Variants in GOLGA4 observed in about 807,000 individuals in gnomAD.
GOLGA4 encodes golgin A4.
GOLGA4 carries 169 observed loss-of-function variants against 265.9 expected under a neutral mutation model. The ratio of observed to expected loss-of-function variants is 0.64; its 90% CI spans 0.56 to 0.72. The LOEUF (loss-of-function observed/expected upper bound fraction) is 0.72. Ranked by LOEUF, GOLGA4 falls within the 30% of genes least tolerant of loss-of-function variation. GOLGA4 has a pLI of 0.00. For missense variants in GOLGA4, 2,482 were observed against 2,483.4 expected (o/e 1.00, Z 0.01); for synonymous variants, 923 against 855.8 (o/e 1.08, Z -1.37).
chr3:37,351,801 C>T (rs2097075374), intron 21 of GOLGA4, among the ~76,000 whole-genome samples: 1 of 152,054 alleles, frequency 6.6e-6, no homozygotes, highest in Non-Finnish European at 1.5e-5. Context: ...AACAGGTGTG[C>T]TATCATCCAG....
In GOLGA4 at chr3:37,339,580, A is replaced by G. The variant is rs1248982845; in HGVS notation, c.6397-544A>G. On this transcript the variant is annotated intron_variant, in intron 19 of 23. Transcript: ENST00000361924. ...CAAGTTTTTTGATTATTGCCATCCT[A>G]GTCAATATGAAGTGATACCTCGTTG... Among the ~76,000 whole-genome samples, 5 of 152,220 alleles carry G rather than the reference A, an allele frequency of 3.3e-5. No individual in the cohort carries two copies. In the East Asian group the frequency reaches 7.7e-4, roughly 23 times the overall value.
At chr3:37,268,905 A>G (rs1000559256) in intron 2 of GOLGA4, among the ~76,000 whole-genome samples, 1 of 152,334 alleles carries the variant, frequency 6.6e-6, no homozygotes, top group East Asian at 1.9e-4. Flanking sequence ...GGAACAAGGG[A>G]AACCATAGCA....
intron 10 of GOLGA4, among the ~76,000 whole-genome samples, chr3:37,309,588 CA>C (rs927651807): frequency 6.6e-6 from 1 of 151,898 alleles, no homozygotes; most frequent in Non-Finnish European, 1.5e-5. Flanking sequence ...AAAAAACAAA[CA>C]AAAAAAACCA....
intron 2 of GOLGA4, among the ~76,000 whole-genome samples, chr3:37,279,154 T>C (rs981001446): frequency 6.6e-6 from 1 of 151,946 alleles, no homozygotes; most frequent in African/African-American, 2.4e-5. Flanking sequence ...CATCCTAGAG[T>C]TCTTAAAACA....
In GOLGA4 at chr3:37,366,135, A is replaced by T; in HGVS notation, c.*89A>T. 1.3e-6 allele frequency: 2 copies of T among 1,502,686 alleles called. No homozygotes were observed. The highest frequency in any genetic ancestry group is 1.8e-6 in the Non-Finnish European group (2 of 1,122,564). 93.1% of individuals were successfully genotyped at this position (1,502,686 alleles called of 1,614,324 possible). ...GTGACATTGGGTGACTGCTGCTTGG[A>T]AAACTGTCCACACTTGCTACTCTTT... On this transcript the variant is annotated 3_prime_UTR_variant, in exon 24 of 24. Coordinates refer to ENST00000361924, the MANE Select transcript of GOLGA4 (RefSeq NM_002078.5).
intron 1 of GOLGA4, 72 bp downstream of exon 1, chr3:37,243,694 G>T: frequency 7.1e-6 from 9 of 1,267,424 alleles, no homozygotes; most frequent in South Asian, 1.2e-5. Flanking sequence ...AAAGAGGCGG[G>T]GGGAGTGGGG....
At chr3:37,330,193 C>G (rs2096985505) in intron 16 of GOLGA4, among the ~76,000 whole-genome samples, 1 of 150,448 alleles carries the variant, frequency 6.6e-6, no homozygotes, top group South Asian at 2.1e-4. Context: ...TAGTTTAGTT[C>G]TACTTTTTTT....
At chr3:37,315,964 G>A (rs1369908246) in intron 11 of GOLGA4, among the ~76,000 whole-genome samples, 1 of 152,122 alleles carries the variant, frequency 6.6e-6, no homozygotes, top group African/African-American at 2.4e-5. Context: ...GAATGAGGGA[G>A]TAAGTGACTG....
At chr3:37,278,715 AT>A (rs1473169448) in intron 2 of GOLGA4, among the ~76,000 whole-genome samples, 10 of 151,970 alleles carry the variant, frequency 6.6e-5, no homozygotes. Context: ...TAAAAATGGT[AT>A]TTATTGTGTA....
chr3:37,251,476 A>G lies in GOLGA4; in HGVS notation c.154A>G (p.Asn52Asp). 1 of 1,590,772 alleles carries G rather than the reference A, an allele frequency of 6.3e-7. No homozygotes were observed. Among genetic ancestry groups the G allele is most frequent in the Non-Finnish European group, 8.6e-7 (1 of 1,158,722 alleles). Reference sequence around the variant, plus strand: ...AGAGCAACTTGATGAAGGTACACCCAATAGAGAGGTAAGTTTGGAATTCCT... The same window carrying G: ...AGAGCAACTTGATGAAGGTACACCCGATAGAGAGGTAAGTTTGGAATTCCT... ...FTEQLDEGTP[N>D]RESGDTQSFA... Residue 52 changes from asparagine to aspartate, a missense_variant, in exon 2 of 24, where the codon AAT (asparagine) becomes GAT (aspartate). Around this residue, in one of 3 missense-constraint regions of GOLGA4, gnomAD observed 1,536 missense variants for 1,483.7 expected, o/e 1.04. Coordinates refer to ENST00000361924, the MANE Select transcript of GOLGA4 (RefSeq NM_002078.5).
chr3:37,266,415 A>G (rs1294072806), intron 2 of GOLGA4, among the ~76,000 whole-genome samples: 1 of 152,070 alleles, frequency 6.6e-6, no homozygotes, highest in African/African-American at 2.4e-5. Flanking sequence ...GGTCAGGCTG[A>G]TCTTGAATTC....
chr3:37,348,403 CT>C (rs540088481), intron 21 of GOLGA4, among the ~76,000 whole-genome samples: 2 of 151,172 alleles, frequency 1.3e-5, no homozygotes, highest in East Asian at 1.9e-4. Context: ...AATTCAGTGT[CT>C]TTTTTTTTCC....
rs1282381995 is a variant in GOLGA4 at position 37,347,198 on chromosome 3, A to G, written c.6478A>G (p.Asn2160Asp). 1 of 1,605,414 alleles carries G rather than the reference A, an allele frequency of 6.2e-7. No homozygotes were observed. The highest frequency in any genetic ancestry group is 8.5e-7 in the Non-Finnish European group (1 of 1,172,936). The stretch of plus-strand genomic sequence containing the variant: ...TCTATTTTTTTATTTGGCAGGTGGC[A>G]ATTTGTACCATACGGATGTCTCACT... Reference protein sequence around the residue: ...TTVGTPYKGGNLYHTDVSLFG... With the variant: ...TTVGTPYKGGDLYHTDVSLFG... Residue 2160 changes from asparagine to aspartate, a missense_variant, in exon 21 of 24, where the codon AAT (asparagine) becomes GAT (aspartate). Asn to Asp is a conservative substitution (Grantham distance 23, BLOSUM62 1). Around this residue, in one of 3 missense-constraint regions of GOLGA4, gnomAD observed 942 missense variants for 983.1 expected, o/e 0.96. Transcript: ENST00000361924.
rs756259334 is a variant in GOLGA4, at chr3:37,337,179, C to CTTTTTTTTTTTTTTTTTTTT, written c.6327+29_6327+30insTTTTTTTTTTTTTTTTTTTT. On this transcript the variant is annotated intron_variant, in intron 18 of 23. Transcript: ENST00000361924. The stretch of plus-strand genomic sequence containing the variant: ...GGAGCTACAGGTAAGGCTAGTTCTT[C>CTTTTTTTTTTTTTTTTTTTT]TTTTTTTTTTTTTCTTTTTTTTCTT... The CTTTTTTTTTTTTTTTTTTTT allele has an allele frequency of 2.8e-6, 3 of 1,073,460 alleles. No homozygotes were observed. Among genetic ancestry groups the CTTTTTTTTTTTTTTTTTTTT allele is most frequent in the Non-Finnish European group, 3.9e-6 (3 of 762,736 alleles). 66.5% of individuals were successfully genotyped at this position (1,073,460 alleles called of 1,614,324 possible).
chr3:37,349,966 G>A (rs2097068721), intron 21 of GOLGA4, among the ~76,000 whole-genome samples: 1 of 152,088 alleles, frequency 6.6e-6, no homozygotes, highest in Non-Finnish European at 1.5e-5. Flanking sequence ...CCTTCCTTCT[G>A]TCCGTATACT....
At position 37,355,168 on chromosome 3, in the gene GOLGA4, G is replaced by C. The variant is rs1451888314; in HGVS notation, c.6644G>C (p.Arg2215Thr). Residue 2215 changes from arginine (R) to threonine (T), a missense_variant, in exon 22 of 24, where the codon AGA becomes ACA. By Grantham distance (71) the Arg-to-Thr change is moderately conservative (BLOSUM62 -1). Transcript: ENST00000361924. ...PDDQTQKILE[R>T]EDARLMFTSP... is the part of the protein sequence containing the mutation. ...GATCAGACTCAGAAAATTTTGGAAA[G>C]AGAAGATGCTCGGCTGATGGTAAGT... is the stretch of plus-strand genomic sequence containing the variant. 1 of 1,595,002 alleles carries C rather than the reference G, an allele frequency of 6.3e-7. No homozygotes were observed. The highest frequency in any genetic ancestry group is 8.6e-7 in the Non-Finnish European group (1 of 1,162,972).
At chr3:37,303,039 A>G (rs189830712) in intron 10 of GOLGA4, among the ~76,000 whole-genome samples, 1 of 152,386 alleles carries the variant, frequency 6.6e-6, no homozygotes, top group East Asian at 1.9e-4. Context: ...AGGTGTGGGC[A>G]GCACACATTT....
chr3:37,286,534 G>C (rs1355316792), intron 4 of GOLGA4, among the ~76,000 whole-genome samples: 5 of 152,102 alleles, frequency 3.3e-5, no homozygotes, highest in Admixed American at 3.3e-4. Context: ...CATTATTGGA[G>C]GTTTTGATAA....
Position 37,287,986 on chromosome 3 carries a change from T to C in GOLGA4, c.526-1249T>C, listed in dbSNP as rs139638007. ...GGAATATGTGGTTACTTTGTTTCCA[T>C]AGGTCATAACTTACCAAGTTTAATT... is the stretch of plus-strand genomic sequence containing the variant. On this transcript the variant is annotated intron_variant, in intron 4 of 23. Transcript: ENST00000361924. Among the ~76,000 whole-genome samples the C allele has an allele frequency of 2.4e-4, 36 of 152,304 alleles. No individual in the cohort carries two copies. The East Asian group carries it at 7.0e-3, about 29-fold the overall frequency.
Sources: allele counts gnomAD v4.1 joint callset (sites outside exome capture counted in the v4.1 genomes callset), GRCh38; gene constraint gnomAD v4.1.1; regional missense constraint gnomAD v4.1.1; transcripts MANE v1.5; gene names NCBI Gene and HGNC (gene_info 2026-07-23, HGNC 2026-07-21).